The following SPAM1 variants were observed in gnomAD, a reference collection of about 807,000 sequenced individuals.
SPAM1 encodes the protein hyaluronidase PH-20.
A neutral mutation model predicts 29.6 loss-of-function variants in SPAM1; 22 were observed. The ratio of observed to expected loss-of-function variants is 0.74; its 90% confidence interval spans 0.53 to 1.06. SPAM1 has a LOEUF of 1.06. Ranked by LOEUF, SPAM1 falls within the 50% of genes least tolerant of loss-of-function variation. SPAM1 has a pLI of 0.00. For synonymous variants in SPAM1, 194 were observed against 204.6 expected (o/e 0.95, Z 0.44); for missense variants, 534 against 604.0 (o/e 0.88, Z 1.21).
rs187482316 is a variant in SPAM1 at position 123,931,216 on chromosome 7, C to T, written c.-319+5864C>T. The stretch of plus-strand genomic sequence containing the variant: ...CCTCCTGCCTCTCAGTCCCATTTGC[C>T]TCCAAGGCTAGCCATAAAAACTAGA... On this transcript the variant is annotated intron_variant, in intron 1 of 4. Coordinates refer to ENST00000682466, the MANE Select transcript of SPAM1 (RefSeq NM_153189.3). Among the ~76,000 whole-genome samples, 57 of 152,270 alleles carry T rather than the reference C, an allele frequency of 3.7e-4. No homozygotes were observed. The South Asian group carries it at 5.2e-3, about 14-fold the overall frequency.
In SPAM1 at chr7:123,949,909, G is replaced by C. The variant is rs1224263822; in HGVS notation, c.-281G>C. The C allele has an allele frequency of 6.6e-6, 1 of 150,672 alleles. No individual in the cohort carries two copies. The highest frequency in any genetic ancestry group is 1.9e-4 in the East Asian group (1 of 5,136). 9.3% of individuals were successfully genotyped at this position (150,672 alleles called of 1,614,324 possible). Reference sequence around the variant, plus strand: ...CTAGCCAATGCTCTAGGAAGACATTGAGACCAGCCAACTTCTTGCCTTGAT... The same window carrying C: ...CTAGCCAATGCTCTAGGAAGACATTCAGACCAGCCAACTTCTTGCCTTGAT... On this transcript the variant is annotated 5_prime_UTR_variant, in exon 2 of 5. Transcript: ENST00000682466.
Position 123,959,855 on chromosome 7 carries a change from C to T in SPAM1, c.1416C>T (p.Pro472=). The T allele has an allele frequency of 6.2e-7, 1 of 1,613,014 alleles. No homozygotes were observed. Among genetic ancestry groups the T allele is most frequent in the South Asian group, 1.1e-5 (1 of 91,050 alleles). ...GTATAGATGCTTTTCTAAAACCTCC[C>T]ATGGAGACAGAAGAACCTCAAATTT... ...GVCIDAFLKP[P]METEEPQIFY... is the part of the protein sequence containing the mutation. The change falls in exon 5 of 5, where the codon CCC becomes CCT. Residue 472 remains proline (P), a synonymous_variant. Transcript: ENST00000682466.
At chr7:123,942,232 T>G (rs1193015071) in intron 1 of SPAM1, among the ~76,000 whole-genome samples, 1 of 152,230 alleles carries the variant, frequency 6.6e-6, no homozygotes, top group African/African-American at 2.4e-5. Context: ...GATTATTTTG[T>G]AGACTGGTAG....
chr7:123,954,051 A>G lies in SPAM1; in HGVS notation c.481A>G (p.Lys161Glu), dbSNP rs764712795. The change falls in exon 3 of 5, where the codon AAA becomes GAA. Residue 161 changes from lysine (K) to glutamate (E), a missense_variant. Lys to Glu is a moderately conservative substitution (Grantham distance 56, BLOSUM62 1). Coordinates refer to ENST00000682466, the MANE Select transcript of SPAM1 (RefSeq NM_153189.3). ...CACTTGGGCAAGAAACTGGAAACCT[A>G]AAGATGTTTACAAGAATAGGTCTAT... is the stretch of plus-strand genomic sequence containing the variant. ...RPTWARNWKP[K>E]DVYKNRSIEL... 9 of 1,613,504 alleles carry G rather than the reference A, an allele frequency of 5.6e-6. No individual in the cohort carries two copies. Among genetic ancestry groups the G allele is most frequent in the South Asian group, 1.1e-5 (1 of 91,074 alleles).
Position 123,954,075 on chromosome 7 carries a change from A to C in SPAM1, c.505A>C (p.Ile169Leu), listed in dbSNP as rs1418052003. ...TAAAGATGTTTACAAGAATAGGTCT[A>C]TTGAATTGGTTCAGCAACAAAATGT... ...KPKDVYKNRS[I>L]ELVQQQNVQL... The change falls in exon 3 of 5, where the codon ATT becomes CTT. Residue 169 changes from isoleucine to leucine, a missense_variant. By Grantham distance (5) the Ile-to-Leu change is conservative. Transcript: ENST00000682466. 1 of 1,613,324 alleles carries C rather than the reference A, an allele frequency of 6.2e-7. No individual in the cohort carries two copies. The highest frequency in any genetic ancestry group is 1.3e-5 in the African/African-American group (1 of 74,862).
At chr7:123,927,174 C>T (rs1163603797) in intron 1 of SPAM1, among the ~76,000 whole-genome samples, 1 of 152,080 alleles carries the variant, frequency 6.6e-6, no homozygotes, top group Non-Finnish European at 1.5e-5. Flanking sequence ...GCATGACTCC[C>T]TAGACCTCTT....
chr7:123,961,449 A>G (rs1220298200), downstream of SPAM1, among the ~76,000 whole-genome samples: 1 of 151,972 alleles, frequency 6.6e-6, no homozygotes, highest in African/African-American at 2.4e-5. Flanking sequence ...TATTTCCCAT[A>G]AGATAATGGC....
chr7:123,963,235 A>G (rs576124662), downstream of SPAM1, among the ~76,000 whole-genome samples: 9 of 152,028 alleles, frequency 5.9e-5, no homozygotes, highest in African/African-American at 1.9e-4. Flanking sequence ...ACTGGTCTTT[A>G]TACAATTCTG....
At chr7:123,937,660 T>C (rs1031039120) in intron 1 of SPAM1, among the ~76,000 whole-genome samples, 3 of 149,942 alleles carry the variant, frequency 2.0e-5, no homozygotes, top group African/African-American at 7.3e-5. Flanking sequence ...CCAGCATTCG[T>C]GGAATTTAGA....
chr7:123,939,085 CTTTT>C (rs67180090), intron 1 of SPAM1, among the ~76,000 whole-genome samples: 17 of 123,766 alleles, frequency 1.4e-4, no homozygotes, highest in Admixed American at 1.7e-4. Context: ...ATCTTCAAGT[CTTTT>C]TTTTTTTTTT....
intron 1 of SPAM1, among the ~76,000 whole-genome samples, chr7:123,943,109 A>C (rs1211329465): frequency 6.6e-6 from 1 of 152,222 alleles, no homozygotes; most frequent in Non-Finnish European, 1.5e-5. Flanking sequence ...TCTGATAAAC[A>C]AAGGATCAGC....
At chr7:123,926,273 C>T (rs561692326) in intron 1 of SPAM1, among the ~76,000 whole-genome samples, 18 of 152,222 alleles carry the variant, frequency 1.2e-4, no homozygotes, top group African/African-American at 4.1e-4. Context: ...CTTCTTTCCC[C>T]GCCGGCCTGC....
chr7:123,925,987 C>T (rs1235925813), intron 1 of SPAM1: 1 of 152,010 alleles, frequency 6.6e-6, no homozygotes, highest in African/African-American at 2.4e-5. Context: ...GTCTAATTGA[C>T]TTGAGAATGT....
intron 4 of SPAM1, among the ~76,000 whole-genome samples, chr7:123,957,365 A>C (rs1263047334): frequency 6.6e-6 from 1 of 152,000 alleles, no homozygotes; most frequent in Non-Finnish European, 1.5e-5. Context: ...CAGTAAATGC[A>C]GTTTGAAATG....
At chr7:123,928,020 A>G (rs62472138) in intron 1 of SPAM1, among the ~76,000 whole-genome samples, 1 of 152,096 alleles carries the variant, frequency 6.6e-6, no homozygotes, top group Non-Finnish European at 1.5e-5. Context: ...GTAAGAGTTC[A>G]TGGCTCTTAG....
At chr7:123,941,816 G>A (rs1490653089) in intron 1 of SPAM1, among the ~76,000 whole-genome samples, 1 of 152,136 alleles carries the variant, frequency 6.6e-6, no homozygotes, top group Non-Finnish European at 1.5e-5. Context: ...AAGCATTTTA[G>A]AAGAAAATGG....
chr7:123,928,271 A>G (rs1316878578), intron 1 of SPAM1, among the ~76,000 whole-genome samples: 9 of 152,174 alleles, frequency 5.9e-5, no homozygotes, highest in Admixed American at 5.9e-4. Context: ...TCTCATTTAT[A>G]TGTGAGGCCC....
At chr7:123,962,928 G>C (rs1792380124), downstream of SPAM1, among the ~76,000 whole-genome samples, 1 of 151,654 alleles carries the variant, frequency 6.6e-6, no homozygotes, top group East Asian at 1.9e-4. Context: ...AATATATTTT[G>C]GGTGTTTGTC....
At chr7:123,957,487 A>G (rs1460104457) in intron 4 of SPAM1, among the ~76,000 whole-genome samples, 2 of 152,024 alleles carry the variant, frequency 1.3e-5, no homozygotes, top group Non-Finnish European at 2.9e-5. Context: ...AAGTCAAGAG[A>G]AGAAGTTGAA....
Sources: allele counts gnomAD v4.1 joint callset (sites outside exome capture counted in the v4.1 genomes callset), GRCh38; gene constraint gnomAD v4.1.1; transcripts MANE v1.5; gene names NCBI Gene and HGNC (gene_info 2026-07-23, HGNC 2026-07-21).